CDK14: variants seen among roughly 807,000 people sequenced by gnomAD.
The protein encoded by CDK14 is cyclin-dependent kinase 14.
In CDK14, 34 loss-of-function variants were observed where a neutral mutation model predicts 60.7. That is an observed-to-expected ratio of 0.56 (90% CI 0.43 to 0.75). The LOEUF (loss-of-function observed/expected upper bound fraction) is 0.75, where lower values mean the gene tolerates loss of function less well. Ranked by LOEUF, CDK14 falls within the 30% of genes least tolerant of loss-of-function variation. The pLI is 0.00. For missense variants in CDK14, 482 were observed against 564.1 expected (o/e 0.85, Z 1.47); for synonymous variants, 197 against 203.7 (o/e 0.97, Z 0.28).
chr7:90,897,581 A>G (rs1792377964), intron 6 of CDK14, among the ~76,000 whole-genome samples: 1 of 152,088 alleles, frequency 6.6e-6, no homozygotes, highest in Non-Finnish European at 1.5e-5. Context: ...GGCTTCAAAA[A>G]CAAATGTTCT....
chr7:91,140,688 C>T (rs565557433), intron 14 of CDK14, among the ~76,000 whole-genome samples: 2 of 152,228 alleles, frequency 1.3e-5, no homozygotes, highest in African/African-American at 4.8e-5. Flanking sequence ...TCAGTTTTTC[C>T]ATCTATAAAT....
At chr7:90,866,247 C>T (rs1199136902) in intron 6 of CDK14, among the ~76,000 whole-genome samples, 2 of 150,974 alleles carry the variant, frequency 1.3e-5, no homozygotes, top group Admixed American at 1.3e-4. Context: ...CACACACACA[C>T]ACACACACAC....
intron 3 of CDK14, among the ~76,000 whole-genome samples, chr7:90,744,386 A>T (rs887936204): frequency 2.0e-5 from 3 of 152,230 alleles, no homozygotes; most frequent in Admixed American, 2.0e-4. Flanking sequence ...ACAGAACAAA[A>T]TGAAAAGTCT....
intron 5 of CDK14, among the ~76,000 whole-genome samples, chr7:90,817,710 C>T (rs1489975851): frequency 1.3e-5 from 2 of 152,136 alleles, no homozygotes; most frequent in African/African-American, 2.4e-5. Context: ...ATAGTAGTCT[C>T]TTAGTAAGTG....
At chr7:91,163,825 GA>G (rs1241990351) in intron 14 of CDK14, among the ~76,000 whole-genome samples, 1 of 152,018 alleles carries the variant, frequency 6.6e-6, no homozygotes, top group African/African-American at 2.4e-5. Context: ...TGATCCATAT[GA>G]AAAAAATTCT....
intron 14 of CDK14, among the ~76,000 whole-genome samples, chr7:91,147,422 C>G (rs1263224979): frequency 6.6e-6 from 1 of 152,076 alleles, no homozygotes; most frequent in African/African-American, 2.4e-5. Flanking sequence ...CCTCTTTAAT[C>G]AAAGTTTTCT....
At chr7:91,011,061 T>C (rs1414732012) in intron 10 of CDK14, among the ~76,000 whole-genome samples, 1 of 151,996 alleles carries the variant, frequency 6.6e-6, no homozygotes, top group African/African-American at 2.4e-5. Flanking sequence ...CTGATACTGC[T>C]TGCAGACAAT....
intron 2 of CDK14, among the ~76,000 whole-genome samples, chr7:90,689,911 A>G (rs1269600680): frequency 1.3e-5 from 2 of 152,334 alleles, no homozygotes; most frequent in South Asian, 2.1e-4. Flanking sequence ...CTTTGATGAT[A>G]TAACAGGAAG....
intron 5 of CDK14, among the ~76,000 whole-genome samples, chr7:90,856,340 T>A (rs1409847581): frequency 2.6e-5 from 4 of 152,112 alleles, no homozygotes; most frequent in African/African-American, 9.7e-5. Context: ...AAATATGGGG[T>A]CCAACATTTA....
At chr7:90,647,138 C>T (rs1002455967) in intron 2 of CDK14, among the ~76,000 whole-genome samples, 2 of 151,978 alleles carry the variant, frequency 1.3e-5, no homozygotes, top group Non-Finnish European at 2.9e-5. Context: ...ATTATTTTTT[C>T]TTGTGAACTA....
chr7:91,173,837 A>G (rs1022599011), intron 14 of CDK14, among the ~76,000 whole-genome samples: 1 of 152,182 alleles, frequency 6.6e-6, no homozygotes, highest in Admixed American at 6.5e-5. Flanking sequence ...TTGCTAGCAC[A>G]GCAGTCTGAG....
chr7:91,207,460 G>A lies in CDK14; in HGVS notation c.*324G>A, dbSNP rs79425377. 0.028 allele frequency: 4,207 copies of A among 152,688 alleles called. 100 individuals carry two copies. Among genetic ancestry groups the A allele is most frequent in the Non-Finnish European group, 0.041 (2,780 of 68,030 alleles). The allele number at this position is 152,688 out of a possible 1,614,324, so 9.5% of individuals were successfully genotyped here. On this transcript the variant is annotated 3_prime_UTR_variant, in exon 15 of 15. Transcript: ENST00000380050. Reference sequence around the variant, plus strand: ...GTTTGATTTCCCTCTGCAGCACAGCGTCTCTGTAAAGGTTTTTATGCTTTC... The same window carrying A: ...GTTTGATTTCCCTCTGCAGCACAGCATCTCTGTAAAGGTTTTTATGCTTTC...
chr7:90,745,625 AG>A (rs1454967387), intron 3 of CDK14, among the ~76,000 whole-genome samples: 1 of 152,202 alleles, frequency 6.6e-6, no homozygotes, highest in Non-Finnish European at 1.5e-5. Context: ...CATGTTGGCC[AG>A]GATGGTCTCG....
intron 2 of CDK14, among the ~76,000 whole-genome samples, chr7:90,635,029 A>T (rs567056667): frequency 6.6e-6 from 1 of 152,224 alleles, no homozygotes; most frequent in East Asian, 1.9e-4. Flanking sequence ...GATTCTGGAT[A>T]TTAGCCCTTT....
chr7:90,767,394 T>A (rs1303758277), intron 4 of CDK14, among the ~76,000 whole-genome samples: 3 of 152,320 alleles, frequency 2.0e-5, no homozygotes, highest in African/African-American at 7.2e-5. Context: ...ATGCTGTTTT[T>A]TCTCTCTAGT....
intron 2 of CDK14, among the ~76,000 whole-genome samples, chr7:90,632,870 C>G (rs541047055): frequency 6.6e-6 from 1 of 152,234 alleles, no homozygotes; most frequent in African/African-American, 2.4e-5. Flanking sequence ...GGGCGGATCA[C>G]CTGAGGTCAG....
intron 14 of CDK14, among the ~76,000 whole-genome samples, chr7:91,138,255 T>C (rs1800344710): frequency 6.6e-6 from 1 of 152,206 alleles, no homozygotes; most frequent in South Asian, 2.1e-4. Flanking sequence ...CTTTCTCTTA[T>C]TTATTTTTGT....
chr7:90,856,550 C>T (rs541925965), intron 5 of CDK14, among the ~76,000 whole-genome samples: 11 of 152,280 alleles, frequency 7.2e-5, no homozygotes, highest in African/African-American at 2.4e-4. Context: ...CCCGGAGCTG[C>T]GTATCAGTGC....
At chr7:91,190,318 G>T (rs979723834) in intron 14 of CDK14, among the ~76,000 whole-genome samples, 41 of 152,276 alleles carry the variant, frequency 2.7e-4, no homozygotes, top group African/African-American at 9.6e-4. Flanking sequence ...CATTTCATTG[G>T]TCAGGACAGG....
Sources: gnomAD v4.1 joint callset for allele counts (sites outside exome capture counted in the v4.1 genomes callset) on GRCh38, gnomAD v4.1.1 for gene constraint, MANE v1.5 for transcripts, NCBI Gene and HGNC (gene_info 2026-07-23, HGNC 2026-07-21) for gene names.